Variants in NUP98 observed in about 807,000 individuals in gnomAD.
The protein encoded by NUP98 is nuclear pore complex protein Nup98-Nup96.
Under a neutral mutation model 191.9 loss-of-function variants are expected in NUP98, and 26 were observed. That is an observed-to-expected ratio of 0.14 (90% CI 0.10 to 0.19). The LOEUF (loss-of-function observed/expected upper bound fraction) is 0.19. Ranked by LOEUF, NUP98 falls within the 10% of genes least tolerant of loss-of-function variation. The probability of loss-of-function intolerance (pLI) is 1.00; values close to 1 mark genes in which losing one functional copy is unlikely to be tolerated. For missense variants in NUP98, 1,941 were observed against 2,178.8 expected (o/e 0.89, Z 2.17); for synonymous variants, 808 against 778.4 (o/e 1.04, Z -0.63).
At chr11:3,772,058 T>A in intron 6 of NUP98, 130 bp from the exon 7 acceptor site, 1 of 707,066 alleles carries the variant, frequency 1.4e-6, no homozygotes, top group Non-Finnish European at 2.3e-6. Flanking sequence ...AAGAGAAAAC[T>A]AAGGAATGAC....
At chr11:3,727,012 T>C (rs1357502315) in intron 14 of NUP98, among the ~76,000 whole-genome samples, 1 of 152,162 alleles carries the variant, frequency 6.6e-6, no homozygotes, top group East Asian at 1.9e-4. Context: ...ATCCTCCTGC[T>C]TTGGTCTCTC....
At chr11:3,737,260 A>C (rs2080098767) in intron 12 of NUP98, among the ~76,000 whole-genome samples, 1 of 152,024 alleles carries the variant, frequency 6.6e-6, no homozygotes, top group Non-Finnish European at 1.5e-5. Context: ...GAGTGACATA[A>C]AACTTTCTGA....
chr11:3,681,085 G>A (rs1045964708), intron 30 of NUP98, among the ~76,000 whole-genome samples: 20 of 152,122 alleles, frequency 1.3e-4, no homozygotes, highest in African/African-American at 4.1e-4. Flanking sequence ...TGTTGCCCAG[G>A]AAGGAGTTCA....
At chr11:3,728,611 C>A (rs112873446) in intron 14 of NUP98, among the ~76,000 whole-genome samples, 2,086 of 151,990 alleles carry the variant, frequency 0.014, 44 homozygotes, top group African/African-American at 0.048. Context: ...TGGTGGTGGG[C>A]GCCTGTAGTC....
At chr11:3,712,011 A>C in intron 20 of NUP98, 1 of 1,049,250 alleles carries the variant, frequency 9.5e-7, no homozygotes, top group Non-Finnish European at 1.2e-6. Flanking sequence ...GTAGGCCCTA[A>C]TCTCCCCAAG....
At chr11:3,782,820 A>C (rs1589964663) in intron 1 of NUP98, among the ~76,000 whole-genome samples, 1 of 152,068 alleles carries the variant, frequency 6.6e-6, no homozygotes, top group African/African-American at 2.4e-5. Context: ...ACACCACCAA[A>C]GTGCTGGGAT....
At chr11:3,782,197 A>G (rs2081991918) in intron 1 of NUP98, 52 bp from the exon 2 acceptor site, 3 of 985,976 alleles carry the variant, frequency 3.0e-6, no homozygotes, top group Admixed American at 5.0e-5. Context: ...AATGGAATAT[A>G]ATTGTTTTAG....
chr11:3,743,563 C>T (rs1241718254), intron 12 of NUP98, among the ~76,000 whole-genome samples: 1 of 142,634 alleles, frequency 7.0e-6, no homozygotes, highest in Non-Finnish European at 1.5e-5. Context: ...GGGAGAATGG[C>T]GTGAATCTGG....
chr11:3,774,302 C>T (rs2133916910), intron 5 of NUP98, among the ~76,000 whole-genome samples: 1 of 152,296 alleles, frequency 6.6e-6, no homozygotes, highest in African/African-American at 2.4e-5. Flanking sequence ...GTCCCAGCTA[C>T]TCAGGAGGCT....
intron 28 of NUP98, among the ~76,000 whole-genome samples, chr11:3,691,103 T>G (rs2078298553): frequency 2.0e-5 from 3 of 152,242 alleles, no homozygotes; most frequent in African/African-American, 7.2e-5. Flanking sequence ...ATAGTTACTA[T>G]AAAACTTATC....
intron 29 of NUP98, among the ~76,000 whole-genome samples, chr11:3,685,206 A>G (rs1215922240): frequency 2.0e-5 from 3 of 149,666 alleles, no homozygotes; most frequent in Non-Finnish European, 4.4e-5. Flanking sequence ...TATCATTAAC[A>G]AAAATCTCCG....
intron 1 of NUP98, among the ~76,000 whole-genome samples, chr11:3,783,148 T>G (rs1226016736): frequency 2.6e-5 from 4 of 152,152 alleles, no homozygotes; most frequent in Non-Finnish European, 5.9e-5. Context: ...TCCTGACAGC[T>G]TGGGAGGCTG....
At chr11:3,696,623 A>G (rs2078516047) in intron 25 of NUP98, 1 of 152,128 alleles carries the variant, frequency 6.6e-6, no homozygotes, top group Non-Finnish European at 1.5e-5. Context: ...AGCCTGGCCA[A>G]CATGACGAAA....
intron 20 of NUP98, chr11:3,712,052 T>C (rs1165945260): frequency 3.5e-5 from 37 of 1,049,044 alleles, no homozygotes; most frequent in Non-Finnish European, 4.1e-5. Flanking sequence ...ATTCCCAAAC[T>C]ATTTTTCATA....
At chr11:3,719,010 C>T (rs1233332743) in intron 18 of NUP98, among the ~76,000 whole-genome samples, 1 of 151,790 alleles carries the variant, frequency 6.6e-6, no homozygotes, top group African/African-American at 2.4e-5. Context: ...ATCCCAGCTA[C>T]TTGGGAGGCT....
chr11:3,746,570 A>C (rs987418226), intron 11 of NUP98, among the ~76,000 whole-genome samples: 1 of 151,878 alleles, frequency 6.6e-6, no homozygotes, highest in Non-Finnish European at 1.5e-5. Flanking sequence ...CCCATGAATC[A>C]TTCTAAAATC....
At chr11:3,698,656 G>A (rs748827702) in intron 25 of NUP98, among the ~76,000 whole-genome samples, 2 of 149,914 alleles carry the variant, frequency 1.3e-5, no homozygotes, top group Non-Finnish European at 2.9e-5. Context: ...GAACCCAGGA[G>A]GAGGAGGTTG....
intron 2 of NUP98, chr11:3,781,318 T>C (rs1174997142): frequency 6.6e-6 from 1 of 151,986 alleles, no homozygotes; most frequent in Non-Finnish European, 1.5e-5. Flanking sequence ...TGCTGATTGT[T>C]AAAGTTGGGA....
intron 1 of NUP98, among the ~76,000 whole-genome samples, chr11:3,788,945 C>T (rs1264075851): frequency 2.6e-5 from 4 of 152,066 alleles, no homozygotes; most frequent in Non-Finnish European, 5.9e-5. Flanking sequence ...GAAACTCCAT[C>T]TCAAAAAAAC....
Sources: gnomAD v4.1 joint callset for allele counts (sites outside exome capture counted in the v4.1 genomes callset) on GRCh38, gnomAD v4.1.1 for gene constraint, MANE v1.5 for transcripts, NCBI Gene and HGNC (gene_info 2026-07-23, HGNC 2026-07-21) for gene names.